Variants in AP3B1 observed in about 807,000 individuals in gnomAD.
The protein encoded by AP3B1 is AP-3 complex subunit beta-1.
A neutral mutation model predicts 132.5 loss-of-function variants in AP3B1; 61 were observed. That is an observed-to-expected ratio of 0.46 (90% CI 0.37 to 0.57). The LOEUF is 0.57. AP3B1 is among the 20% of genes least tolerant of loss of function. The probability of loss-of-function intolerance (pLI) is 0.00; values close to 1 mark genes in which losing one functional copy is unlikely to be tolerated. For missense variants in AP3B1, 1,120 were observed against 1,289.4 expected, an observed-to-expected ratio of 0.87 and a Z score of 2.01; for synonymous variants, 388 against 438.3, an observed-to-expected ratio of 0.89 and a Z score of 1.43.
intron 12 of AP3B1, among the ~76,000 whole-genome samples, chr5:78,163,624 G>A (rs888896438): frequency 5.6e-4 from 76 of 136,714 alleles, no homozygotes; most frequent in African/African-American, 2.1e-3. Context: ...TGTATATATA[G>A]TATATATATA....
intron 1 of AP3B1, among the ~76,000 whole-genome samples, chr5:78,278,363 G>GGGTCCTCAACCC (rs1487935362): frequency 1.0e-4 from 14 of 140,068 alleles, no homozygotes; most frequent in South Asian, 4.7e-4. Context: ...TCTTTGGGAG[G>GGGTCCTCAACCC]CCGAGGCGGG....
At chr5:78,053,318 C>G (rs1349950450) in intron 22 of AP3B1, among the ~76,000 whole-genome samples, 1 of 151,878 alleles carries the variant, frequency 6.6e-6, no homozygotes, top group Non-Finnish European at 1.5e-5. Context: ...ACTTTTAAAT[C>G]TTTTTTTTCA....
chr5:78,125,643 C>T (rs1266437263), intron 17 of AP3B1, among the ~76,000 whole-genome samples: 1 of 151,998 alleles, frequency 6.6e-6, no homozygotes, highest in Non-Finnish European at 1.5e-5. Flanking sequence ...TCTCAGAGTC[C>T]AATAGACTGA....
At chr5:78,138,310 C>CA (rs1457431517) in intron 15 of AP3B1, among the ~76,000 whole-genome samples, 27 of 150,618 alleles carry the variant, frequency 1.8e-4, no homozygotes, top group Admixed American at 7.9e-4. Flanking sequence ...TACTAAAATA[C>CA]AAAAAAAAAT....
intron 25 of AP3B1, 79 bp downstream of exon 25, chr5:78,020,613 A>T: frequency 8.3e-7 from 1 of 1,201,912 alleles, no homozygotes; most frequent in South Asian, 1.3e-5. Context: ...ACCTATGAAA[A>T]TTTATTTTAG....
At chr5:78,264,204 T>G (rs111626996) in intron 2 of AP3B1, among the ~76,000 whole-genome samples, 82 of 152,306 alleles carry the variant, frequency 5.4e-4, no homozygotes, top group Non-Finnish European at 9.7e-4. Context: ...GATCCAAAAA[T>G]TCACATAATT....
intron 2 of AP3B1, among the ~76,000 whole-genome samples, chr5:78,253,384 G>T (rs975183789): frequency 1.3e-5 from 2 of 152,148 alleles, no homozygotes; most frequent in Admixed American, 6.5e-5. Flanking sequence ...ATTGGGCTTG[G>T]GGCCCAAGTT....
chr5:78,065,597 T>C (rs1401633416), intron 22 of AP3B1, among the ~76,000 whole-genome samples: 3 of 152,126 alleles, frequency 2.0e-5, no homozygotes, highest in Non-Finnish European at 4.4e-5. Context: ...TCCTCCTCAC[T>C]GAGCTGGGCC....
intron 22 of AP3B1, among the ~76,000 whole-genome samples, chr5:78,040,218 A>T (rs536276294): frequency 1.3e-5 from 2 of 152,234 alleles, no homozygotes; most frequent in Admixed American, 1.3e-4. Context: ...TTTAATTCAT[A>T]TGGAATTGAT....
intron 15 of AP3B1, among the ~76,000 whole-genome samples, chr5:78,132,296 T>C (rs1199224921): frequency 6.6e-6 from 1 of 152,212 alleles, no homozygotes; most frequent in African/African-American, 2.4e-5. Flanking sequence ...CAAAAACAGT[T>C]TTATCTTCAA....
intron 2 of AP3B1, among the ~76,000 whole-genome samples, chr5:78,256,386 A>G (rs895480145): frequency 2.6e-5 from 4 of 152,092 alleles, no homozygotes; most frequent in Admixed American, 2.6e-4. Flanking sequence ...TACTATGAGC[A>G]CCCATATATG....
chr5:78,130,019 CTTATT>C (rs1022949881), intron 15 of AP3B1, among the ~76,000 whole-genome samples: 5 of 152,060 alleles, frequency 3.3e-5, no homozygotes, highest in Non-Finnish European at 5.9e-5. Context: ...AAGGGAACAA[CTTATT>C]ATAGTAGCTT....
intron 7 of AP3B1, among the ~76,000 whole-genome samples, chr5:78,215,056 CAAGCT>C (rs1745900693): frequency 6.6e-6 from 1 of 152,002 alleles, no homozygotes; most frequent in African/African-American, 2.4e-5. Context: ...TAATAATTTG[CAAGCT>C]TGATGTGTCA....
intron 1 of AP3B1, among the ~76,000 whole-genome samples, chr5:78,288,800 A>G (rs1297916301): frequency 1.3e-5 from 2 of 152,208 alleles, no homozygotes; most frequent in Non-Finnish European, 2.9e-5. Flanking sequence ...CGATTTATCT[A>G]TATAAATATT....
chr5:78,055,575 G>A (rs1748776018), intron 22 of AP3B1, among the ~76,000 whole-genome samples: 1 of 152,128 alleles, frequency 6.6e-6, no homozygotes, highest in Non-Finnish European at 1.5e-5. Context: ...AATAGTGGCA[G>A]AGCTAAGATT....
intron 2 of AP3B1, among the ~76,000 whole-genome samples, chr5:78,249,957 A>G (rs891803257): frequency 6.6e-6 from 1 of 152,082 alleles, no homozygotes; most frequent in South Asian, 2.1e-4. Context: ...TATTGCATCA[A>G]TCCAGGATAT....
intron 2 of AP3B1, among the ~76,000 whole-genome samples, chr5:78,243,909 CA>C (rs1747257000): frequency 6.6e-6 from 1 of 152,140 alleles, no homozygotes; most frequent in Non-Finnish European, 1.5e-5. Context: ...AGAGGAAAGA[CA>C]TCATTAAATA....
At chr5:78,032,750 G>T (rs966465385) in intron 24 of AP3B1, among the ~76,000 whole-genome samples, 1 of 151,658 alleles carries the variant, frequency 6.6e-6, no homozygotes, top group Non-Finnish European at 1.5e-5. Flanking sequence ...TAAATAATTT[G>T]TATCTTTATA....
At chr5:78,226,729 T>C (rs1017937665) in intron 5 of AP3B1, among the ~76,000 whole-genome samples, 8 of 152,052 alleles carry the variant, frequency 5.3e-5, no homozygotes, top group African/African-American at 1.9e-4. Context: ...TCAAAAAGCT[T>C]GAGGAATAAA....
Sources: allele counts gnomAD v4.1 joint callset (sites outside exome capture counted in the v4.1 genomes callset), GRCh38; gene constraint gnomAD v4.1.1; transcripts MANE v1.5; gene names NCBI Gene and HGNC (gene_info 2026-07-23, HGNC 2026-07-21).